Variants in ACYP2 observed in about 807,000 individuals in gnomAD.
The protein encoded by ACYP2 is acylphosphatase-2.
In ACYP2, 12 loss-of-function variants were observed where a neutral mutation model predicts 11.2. The observed-to-expected ratio is 1.08, with a 90% CI of 0.69 to 1.74. ACYP2 has a LOEUF of 1.74. Among genes scored for constraint, ACYP2 ranks in the 40% most tolerant of loss-of-function variants. ACYP2 has a pLI of 0.00. For missense variants in ACYP2, 134 were observed against 101.9 expected (o/e 1.31, Z -1.35); for synonymous variants, 43 against 32.2 (o/e 1.33, Z -1.13).
chr2:53,975,678 A>T (rs1418104829), intron 2 of ACYP2, among the ~76,000 whole-genome samples: 1 of 152,026 alleles, frequency 6.6e-6, no homozygotes, highest in African/African-American at 2.4e-5. Flanking sequence ...TAAAAATACA[A>T]AAAATTAGCT....
intron 6 of ACYP2, among the ~76,000 whole-genome samples, chr2:54,169,958 G>C (rs1052472141): frequency 6.6e-6 from 1 of 152,114 alleles, no homozygotes; most frequent in Non-Finnish European, 1.5e-5. Context: ...TTTTTACCGT[G>C]ATAGACAAAT....
chr2:54,281,094 T>C (rs1056540826), intron 6 of ACYP2, among the ~76,000 whole-genome samples: 17 of 152,202 alleles, frequency 1.1e-4, no homozygotes, highest in African/African-American at 3.1e-4. Flanking sequence ...AATAACATAA[T>C]TTAAAACATT....
At chr2:54,201,105 TCTC>T (rs1324621418) in intron 6 of ACYP2, among the ~76,000 whole-genome samples, 55 of 131,694 alleles carry the variant, frequency 4.2e-4, no homozygotes, top group African/African-American at 1.5e-3. Flanking sequence ...GGGTTCTCTC[TCTC>T]TTTTTTTTTT....
At chr2:54,241,478 C>T (rs1383956414) in intron 6 of ACYP2, among the ~76,000 whole-genome samples, 1 of 152,134 alleles carries the variant, frequency 6.6e-6, no homozygotes, top group Non-Finnish European at 1.5e-5. Flanking sequence ...TTCCCTCAAA[C>T]CTCTTTAATT....
chr2:54,259,052 A>T (rs1199258418), intron 6 of ACYP2, among the ~76,000 whole-genome samples: 1 of 152,154 alleles, frequency 6.6e-6, no homozygotes, highest in Admixed American at 6.5e-5. Context: ...CAACCTGATC[A>T]CCTCTTAAAG....
chr2:54,096,193 A>G (rs1189048487), intron 4 of ACYP2, among the ~76,000 whole-genome samples: 2 of 138,190 alleles, frequency 1.4e-5, no homozygotes, highest in African/African-American at 2.9e-5. Flanking sequence ...CTCACTTCTC[A>G]GACGGGGCGG....
chr2:54,135,512 C>G, intron 5 of ACYP2, 43 bp downstream of exon 2: 1 of 1,570,902 alleles, frequency 6.4e-7, no homozygotes, highest in Non-Finnish European at 8.7e-7. Context: ...TTTTTTTCCA[C>G]TGTTATTCCC....
chr2:54,236,987 C>T (rs1449671188), intron 6 of ACYP2, among the ~76,000 whole-genome samples: 4 of 152,146 alleles, frequency 2.6e-5, no homozygotes, highest in Non-Finnish European at 5.9e-5. Flanking sequence ...GAAAAAATTG[C>T]ATCTGTACTG....
intron 4 of ACYP2, among the ~76,000 whole-genome samples, chr2:54,058,506 T>G (rs1676282152): frequency 6.6e-6 from 1 of 152,130 alleles, no homozygotes; most frequent in African/African-American, 2.4e-5. Context: ...AATTCTAACT[T>G]CATTTCTAGT....
At chr2:54,068,426 G>A (rs934921117) in intron 4 of ACYP2, among the ~76,000 whole-genome samples, 2 of 152,118 alleles carry the variant, frequency 1.3e-5, no homozygotes, top group Non-Finnish European at 1.5e-5. Flanking sequence ...GACTTGAGAG[G>A]GAATAAAGAA....
At chr2:54,113,499 G>A (rs1038341488) in intron 4 of ACYP2, among the ~76,000 whole-genome samples, 1 of 152,018 alleles carries the variant, frequency 6.6e-6, no homozygotes, top group Non-Finnish European at 1.5e-5. Flanking sequence ...GCCAGCCTTG[G>A]CCTCCCAACA....
chr2:54,294,044 T>C lies in ACYP2; in HGVS notation c.405-10644T>C, dbSNP rs182369731. ...TCACATTAGCTTTTAATTCATTATC[T>C]GTCTTTATTTTTTACTGTCTCCTTT... On this transcript the variant is annotated intron_variant, in intron 6 of 6. Coordinates refer to ENST00000607452, the MANE Select transcript of ACYP2 (RefSeq NM_001320586.2). 9.2e-5 allele frequency among the ~76,000 whole-genome samples: 14 copies of C among 152,342 alleles called. No individual in the cohort carries two copies. The East Asian group carries it at 2.7e-3, about 29-fold the overall frequency.
intron 2 of ACYP2, among the ~76,000 whole-genome samples, chr2:54,022,181 C>G (rs1278929773): frequency 1.3e-5 from 2 of 151,830 alleles, no homozygotes; most frequent in Admixed American, 6.6e-5. Context: ...CCCTCCTTCC[C>G]TTCTTTCCTT....
intron 6 of ACYP2, among the ~76,000 whole-genome samples, chr2:54,270,823 T>C (rs938081368): frequency 6.6e-6 from 1 of 152,188 alleles, no homozygotes; most frequent in African/African-American, 2.4e-5. Context: ...CACACTTTCT[T>C]TGTTAGTGTG....
At chr2:54,005,359 A>T (rs1177674949) in intron 2 of ACYP2, among the ~76,000 whole-genome samples, 15 of 124,194 alleles carry the variant, frequency 1.2e-4, no homozygotes, top group Admixed American at 7.2e-4. Context: ...TTTTTTTTTG[A>T]GACGGAGTCT....
At chr2:54,183,201 A>G (rs1045041831) in intron 6 of ACYP2, among the ~76,000 whole-genome samples, 10 of 152,338 alleles carry the variant, frequency 6.6e-5, no homozygotes, top group Non-Finnish European at 1.3e-4. Flanking sequence ...CCATATGACT[A>G]TAAGTTAACA....
intron 6 of ACYP2, among the ~76,000 whole-genome samples, chr2:54,208,206 AC>A (rs1003247597): frequency 5.9e-5 from 9 of 151,724 alleles, no homozygotes; most frequent in African/African-American, 1.7e-4. Context: ...AAAAAAAAAA[AC>A]TTTTTATTTC....
At chr2:54,162,310 T>C (rs543133947) in intron 6 of ACYP2, among the ~76,000 whole-genome samples, 5 of 152,372 alleles carry the variant, frequency 3.3e-5, no homozygotes, top group African/African-American at 1.2e-4. Flanking sequence ...TTTACCCCAC[T>C]GTGTACAAAG....
At chr2:54,016,725 CTT>C (rs5831288) in intron 2 of ACYP2, among the ~76,000 whole-genome samples, 13,312 of 129,596 alleles carry the variant, frequency 0.1, 881 homozygotes, top group African/African-American at 0.21. Flanking sequence ...CCTTCAGTGT[CTT>C]TTTTTTTTTT....
Sources: allele counts gnomAD v4.1 joint callset (sites outside exome capture counted in the v4.1 genomes callset), GRCh38; gene constraint gnomAD v4.1.1; transcripts MANE v1.5; gene names NCBI Gene and HGNC (gene_info 2026-07-23, HGNC 2026-07-21).